The following RAB3C variants were observed in gnomAD, a reference collection of about 807,000 sequenced individuals.
The protein encoded by RAB3C is RAB3C, member RAS oncogene family.
A neutral mutation model predicts 26.4 loss-of-function variants in RAB3C; 17 were observed. That is an observed-to-expected ratio of 0.64 (90% confidence interval 0.44 to 0.97). The LOEUF (loss-of-function observed/expected upper bound fraction) is 0.97. RAB3C is among the 50% of genes least tolerant of loss of function. The probability of loss-of-function intolerance (pLI) is 0.00; values close to 1 mark genes in which losing one functional copy is unlikely to be tolerated. For missense variants in RAB3C, 242 were observed against 281.9 expected, an observed-to-expected ratio of 0.86 and a Z score of 1.01; for synonymous variants, 91 against 95.9, an observed-to-expected ratio of 0.95 and a Z score of 0.30.
chr5:58,623,392 C>A (rs952656086), intron 2 of RAB3C, among the ~76,000 whole-genome samples: 2 of 152,208 alleles, frequency 1.3e-5, no homozygotes, highest in African/African-American at 4.8e-5. Context: ...AAGGAAACAA[C>A]ACTTTCTGCC....
At chr5:58,642,278 A>T (rs568266040) in intron 2 of RAB3C, among the ~76,000 whole-genome samples, 3 of 152,304 alleles carry the variant, frequency 2.0e-5, no homozygotes, top group Non-Finnish European at 4.4e-5. Context: ...AAACTGAGGC[A>T]CCCAGACCTG....
chr5:58,785,124 G>C (rs994886337), intron 3 of RAB3C, among the ~76,000 whole-genome samples: 3 of 152,148 alleles, frequency 2.0e-5, no homozygotes, highest in Non-Finnish European at 4.4e-5. Context: ...CCAGACAATT[G>C]GTCATTCTGA....
intron 4 of RAB3C, among the ~76,000 whole-genome samples, chr5:58,829,300 T>C (rs1011953291): frequency 4.6e-5 from 7 of 152,196 alleles, no homozygotes; most frequent in African/African-American, 1.7e-4. Flanking sequence ...ATGGTACTTA[T>C]ATATGTACAA....
intron 2 of RAB3C, among the ~76,000 whole-genome samples, chr5:58,626,185 A>G (rs1369178657): frequency 1.3e-5 from 2 of 152,000 alleles, no homozygotes; most frequent in Admixed American, 6.6e-5. Context: ...TCTCATTCTA[A>G]TTTTTAGCTT....
chr5:58,741,927 C>T (rs1741283266), intron 3 of RAB3C: 1 of 151,508 alleles, frequency 6.6e-6, no homozygotes, highest in Non-Finnish European at 1.5e-5. Context: ...ATTGCTTGAA[C>T]TGGGAGGCAG....
At chr5:58,849,252 C>A (rs1479148859) in intron 4 of RAB3C, among the ~76,000 whole-genome samples, 1 of 152,094 alleles carries the variant, frequency 6.6e-6, no homozygotes, top group East Asian at 1.9e-4. Flanking sequence ...GACCTTTGTA[C>A]CAAATTCTTG....
At chr5:58,630,659 T>C (rs1190228394) in intron 2 of RAB3C, among the ~76,000 whole-genome samples, 2 of 152,158 alleles carry the variant, frequency 1.3e-5, no homozygotes, top group Non-Finnish European at 2.9e-5. Flanking sequence ...TGTACACTCA[T>C]GGGAGAAAGA....
At chr5:58,794,242 CA>C (rs1301239253) in intron 3 of RAB3C, 9 of 148,576 alleles carry the variant, frequency 6.1e-5, no homozygotes, top group Non-Finnish European at 4.4e-5. Flanking sequence ...TAATGCCCCC[CA>C]TTTTTTTCTT....
At chr5:58,781,934 A>T (rs987740035) in intron 3 of RAB3C, among the ~76,000 whole-genome samples, 5 of 151,634 alleles carry the variant, frequency 3.3e-5, no homozygotes, top group Admixed American at 1.3e-4. Context: ...TTCTACATAA[A>T]TTTTTTTTTG....
intron 1 of RAB3C, among the ~76,000 whole-genome samples, chr5:58,590,347 C>T (rs1746102310): frequency 6.6e-6 from 1 of 152,070 alleles, no homozygotes; most frequent in South Asian, 2.1e-4. Flanking sequence ...GTTTCTCCGT[C>T]TCTCTCATGC....
At chr5:58,775,938 AT>A (rs1238492022) in intron 3 of RAB3C, among the ~76,000 whole-genome samples, 2 of 151,924 alleles carry the variant, frequency 1.3e-5, no homozygotes, top group Non-Finnish European at 2.9e-5. Flanking sequence ...TATTGCTCAC[AT>A]TTTCTTTTTG....
chr5:58,652,832 C>T (rs1747687873), intron 2 of RAB3C, among the ~76,000 whole-genome samples: 1 of 152,068 alleles, frequency 6.6e-6, no homozygotes, highest in East Asian at 1.9e-4. Flanking sequence ...CTATTTCTCT[C>T]CATATTGTTT....
chr5:58,793,606 G>A (rs1160358992), intron 3 of RAB3C, among the ~76,000 whole-genome samples: 1 of 146,870 alleles, frequency 6.8e-6, no homozygotes, highest in African/African-American at 2.5e-5. Context: ...CTTTGGCAGA[G>A]TACAGAATAA....
chr5:58,596,660 ATATAT>A lies in RAB3C; in HGVS notation c.24+13434_24+13438del, dbSNP rs1327680023. On this transcript the variant is annotated intron_variant, in intron 1 of 4. Transcript: ENST00000282878. Reference sequence around the variant, plus strand: ...ATAAATATATAATATATAATACATAATATATTATATATAAATATATAATATATAAT... The same window carrying A: ...ATAAATATATAATATATAATACATAATATATATAAATATATAATATATAAT... 2.1e-4 allele frequency among the ~76,000 whole-genome samples: 7 copies of A among 32,758 alleles called. 1 individual carries two copies. The highest frequency in any genetic ancestry group is 4.5e-4 in the Non-Finnish European group (7 of 15,452). 21.5% of individuals were successfully genotyped at this position (32,758 alleles called of 152,430 possible).
At chr5:58,847,768 G>T (rs1014885286) in intron 4 of RAB3C, among the ~76,000 whole-genome samples, 1 of 152,128 alleles carries the variant, frequency 6.6e-6, no homozygotes, top group Non-Finnish European at 1.5e-5. Context: ...TATTGATTTT[G>T]ATCCTGAATA....
intron 2 of RAB3C, among the ~76,000 whole-genome samples, chr5:58,716,424 TA>T (rs1383342007): frequency 1.3e-5 from 2 of 152,138 alleles, no homozygotes; most frequent in African/African-American, 4.8e-5. Flanking sequence ...GAAAGAGGAC[TA>T]GACTTTGGAT....
intron 3 of RAB3C, among the ~76,000 whole-genome samples, chr5:58,807,795 C>G (rs1216680920): frequency 1.3e-5 from 2 of 151,456 alleles, no homozygotes; most frequent in Non-Finnish European, 2.9e-5. Context: ...AAAATTCAGT[C>G]CATAGCACAG....
At chr5:58,686,913 T>TCCAGCAA (rs1301586656) in intron 2 of RAB3C, among the ~76,000 whole-genome samples, 1 of 151,876 alleles carries the variant, frequency 6.6e-6, no homozygotes, top group Non-Finnish European at 1.5e-5. Flanking sequence ...ACAACATCTC[T>TCCAGCAA]CCAGCAACGT....
intron 2 of RAB3C, among the ~76,000 whole-genome samples, chr5:58,673,947 G>C (rs892041891): frequency 3.3e-5 from 5 of 152,144 alleles, no homozygotes; most frequent in African/African-American, 9.7e-5. Flanking sequence ...GTCATATATA[G>C]AAATCATTTT....
Sources: allele counts gnomAD v4.1 joint callset (sites outside exome capture counted in the v4.1 genomes callset), GRCh38; gene constraint gnomAD v4.1.1; transcripts MANE v1.5; gene names NCBI Gene and HGNC (gene_info 2026-07-23, HGNC 2026-07-21).